Variants in GPS1 observed in about 807,000 individuals in gnomAD.
The protein encoded by GPS1 is COP9 signalosome complex subunit 1.
Under a neutral mutation model 60.0 loss-of-function variants are expected in GPS1, and 11 were observed. The observed-to-expected ratio is 0.18, with a 90% CI of 0.12 to 0.30. The LOEUF (loss-of-function observed/expected upper bound fraction) is 0.30, where lower values mean the gene tolerates loss of function less well. GPS1 is among the 10% of genes least tolerant of loss of function. The probability of loss-of-function intolerance (pLI) is 1.00; values close to 1 mark genes in which losing one functional copy is unlikely to be tolerated. For missense variants in GPS1, 543 were observed against 669.2 expected, an observed-to-expected ratio of 0.81 and a Z score of 2.08; for synonymous variants, 343 against 269.8, an observed-to-expected ratio of 1.27 and a Z score of -2.66.
chr17:82,052,076 C>T (rs1200354026), intron 1 of GPS1, 112 bp downstream of exon 1: 5 of 898,284 alleles, frequency 5.6e-6, no homozygotes, highest in Non-Finnish European at 6.9e-6. Context: ...GTCGGGCACG[C>T]TCCGTGCCGG....
chr17:82,052,735 CTG>C (rs2031197576), intron 1 of GPS1: 2 of 481,364 alleles, frequency 4.2e-6, no homozygotes, highest in African/African-American at 1.9e-5. Context: ...CCTGGCTTCT[CTG>C]TGTCTCCCAG....
At chr17:82,056,996 C>G (rs1351795692) in intron 12 of GPS1, 22 bp downstream of exon 12, 1 of 1,612,138 alleles carries the variant, frequency 6.2e-7, no homozygotes, top group African/African-American at 1.3e-5. Context: ...TGAGGGGGGG[C>G]AGGCGCACGG....
At chr17:82,051,343 C>A, upstream of GPS1, 1 of 1,467,642 alleles carries the variant, frequency 6.8e-7, no homozygotes, top group South Asian at 1.5e-5. The surrounding 1 kb of genome is among the most constrained non-coding windows in gnomAD (Gnocchi z 4.1). Flanking sequence ...AGATAAACGT[C>A]TGGGGGAGAA....
At position 82,056,466 on chromosome 17, in the gene GPS1, C is replaced by G. The variant is rs1007124731; in HGVS notation, c.1036-4C>G. The G allele has an allele frequency of 5.6e-6, 9 of 1,613,022 alleles. No homozygotes were observed. Among genetic ancestry groups the G allele is most frequent in the African/African-American group, 2.7e-5 (2 of 74,910 alleles). Reference sequence around the variant, plus strand: ...GTCCTGGTCCTGACCAGCCCCTTCCCCAGGACAACCTGCTCCTGGACATGT... The same window carrying G: ...GTCCTGGTCCTGACCAGCCCCTTCCGCAGGACAACCTGCTCCTGGACATGT... On this transcript the variant is annotated splice_region_variant and splice_polypyrimidine_tract_variant and intron_variant, in intron 9 of 12. Transcript: ENST00000578552.
At chr17:82,056,240 G>T (rs1186407792) in intron 8 of GPS1, 46 bp from the exon 9 acceptor site, 1 of 1,434,330 alleles carries the variant, frequency 7.0e-7, no homozygotes, top group Non-Finnish European at 9.8e-7. Context: ...CCACTTGGAG[G>T]GAGGGGCAGG....
chr17:82,055,082 C>T (rs1408070002), intron 5 of GPS1, 80 bp from the exon 6 acceptor site: 3 of 1,574,420 alleles, frequency 1.9e-6, no homozygotes, highest in African/African-American at 2.7e-5. Flanking sequence ...CTGCCTTCAT[C>T]CCCTCTCAGT....
Position 82,054,369 on chromosome 17 carries a change from A to G in GPS1, c.309-141A>G, listed in dbSNP as rs938634999. On this transcript the variant is annotated intron_variant, in intron 3 of 12. Coordinates refer to ENST00000578552, the MANE Select transcript of GPS1 (RefSeq NM_001321092.3). ...GTGGCCCTGGTGCAGACTGGTCCCT[A>G]GAGGTGGGGTTTGAGGCCAGCGGGA... is the stretch of plus-strand genomic sequence containing the variant. 7.2e-6 allele frequency: 8 copies of G among 1,114,582 alleles called. No homozygotes were observed. In the African/African-American group the frequency reaches 1.1e-4, roughly 15 times the overall value. 69.0% of individuals were successfully genotyped at this position (1,114,582 alleles called of 1,614,324 possible).
chr17:82,051,445 G>A (rs1182324538), upstream of GPS1: 3 of 1,348,480 alleles, frequency 2.2e-6, no homozygotes, highest in South Asian at 1.9e-5. This position sits in a 1 kb window ranked among gnomAD's most constrained non-coding sequence, Gnocchi z 4.1. Flanking sequence ...CCTAGACCCT[G>A]GGAGGCGGGG....
chr17:82,054,264 G>A (rs2031946555), intron 3 of GPS1: 2 of 734,798 alleles, frequency 2.7e-6, no homozygotes, highest in East Asian at 5.5e-5. Context: ...AAGGGGAGCT[G>A]TTGGAGACTG....
chr17:82,051,551 C>A, upstream of GPS1: 2 of 1,398,168 alleles, frequency 1.4e-6, no homozygotes, highest in South Asian at 1.5e-5. This position sits in a 1 kb window ranked among gnomAD's most constrained non-coding sequence, Gnocchi z 4.1. Flanking sequence ...GCAGGCGCGG[C>A]CCGTGGTTCT....
chr17:82,056,061 C>T lies in GPS1; in HGVS notation c.895C>T (p.Arg299Trp). Reference protein sequence around the residue: ...GGLCALATFDRQELQRNVISS... With the variant: ...GGLCALATFDWQELQRNVISS... ...CCTGTGCGCCTTGGCTACCTTTGAC[C>T]GGCAGGAGCTGCAGCGCAATGTCAT... Residue 299 changes from arginine to tryptophan, a missense_variant, in exon 8 of 13, where the codon CGG becomes TGG. Physicochemically the swap from Arg to Trp is moderately radical, Grantham distance 101. This residue lies in a region of GPS1 where 291 missense variants were observed against 353.7 expected (regional missense o/e 0.82). Transcript: ENST00000578552. 5 of 1,612,644 alleles carry T rather than the reference C, an allele frequency of 3.1e-6. No individual in the cohort carries two copies. Among genetic ancestry groups the T allele is most frequent in the Non-Finnish European group, 4.2e-6 (5 of 1,179,872 alleles).
At chr17:82,054,118 C>G in intron 3 of GPS1, 69 bp downstream of exon 3, 1 of 1,484,226 alleles carries the variant, frequency 6.7e-7, no homozygotes, top group Non-Finnish European at 9.0e-7. Flanking sequence ...GGACTGGGCC[C>G]CCTTCCTGTG....
At chr17:82,055,714 TC>T in intron 6 of GPS1, 25 bp from the exon 7 acceptor site, 2 of 612,342 alleles carry the variant, frequency 3.3e-6, no homozygotes, top group Non-Finnish European at 5.5e-6. Context: ...CTCTCCCCCC[TC>T]CCCGCCCCCG....
rs1181681217 is a variant in GPS1, at chr17:82,054,780, C to T, written c.579C>T (p.His193=). The change falls in exon 4 of 13, where the codon CAC becomes CAT. Residue 193 remains histidine, a synonymous_variant. Transcript: ENST00000578552. The part of the protein sequence containing the change: ...RARDYCTSAK[H]VINMCLNVIK... ...GGGACTACTGCACCAGCGCCAAACA[C>T]GTCATCAACATGTGCCTCAATGTCA... The T allele has an allele frequency of 1.1e-5, 18 of 1,606,440 alleles. No individual in the cohort carries two copies. The highest frequency in any genetic ancestry group is 1.7e-4 in the Middle Eastern group (1 of 6,060).
In GPS1 at chr17:82,056,988, A is replaced by AG. The variant is rs552304178; in HGVS notation, c.1389+21dup. The AG allele has an allele frequency of 6.6e-5, 106 of 1,612,114 alleles. No homozygotes were observed. The African/African-American group carries it at 1.0e-3, about 16-fold the overall frequency. On this transcript the variant is annotated intron_variant, in intron 12 of 12. Transcript: ENST00000578552. ...ATCCATGTCAAGGTGGGCTGGCTTGAGGGGGGGCAGGCGCACGGCGTGTGG... is the reference window on the plus strand; with the variant it reads ...ATCCATGTCAAGGTGGGCTGGCTTGAGGGGGGGGCAGGCGCACGGCGTGTGG...
Position 82,053,313 on chromosome 17 carries a change from G to A in GPS1, c.73G>A (p.Glu25Lys). Residue 25 changes from glutamate (E) to lysine (K), a missense_variant, in exon 2 of 13, where the codon GAA (glutamate) becomes AAA (lysine). By Grantham distance (56) the Glu-to-Lys change is moderately conservative. Around this residue, in one of 3 missense-constraint regions of GPS1, gnomAD observed 181 missense variants for 188.8 expected, o/e 0.96. Transcript: ENST00000578552. ...EPMQIDVDPQ[E>K]DPQNAPDVNY... is the part of the protein sequence containing the mutation. ...CATGCAGATCGACGTGGACCCCCAG[G>A]AAGACCCGCAGAATGCACCTGACGT... 1.9e-6 allele frequency: 3 copies of A among 1,549,132 alleles called. No individual in the cohort carries two copies. Among genetic ancestry groups the A allele is most frequent in the Non-Finnish European group, 1.7e-6 (2 of 1,156,162 alleles).
intron 9 of GPS1, 27 bp downstream of exon 9, chr17:82,056,418 G>A: frequency 6.2e-7 from 1 of 1,612,666 alleles, no homozygotes; most frequent in Non-Finnish European, 8.5e-7. Flanking sequence ...GTAGGGGTGA[G>A]GTGGGGCCCT....
At chr17:82,051,178 G>A, upstream of GPS1, 6 of 1,305,576 alleles carry the variant, frequency 4.6e-6, no homozygotes, top group Non-Finnish European at 5.9e-6. This position sits in a 1 kb window ranked among gnomAD's most constrained non-coding sequence, Gnocchi z 4.1. Flanking sequence ...GGCCTCCCCG[G>A]GCCTCGGGAG....
chr17:82,052,228 C>G, intron 1 of GPS1: 1 of 1,589,252 alleles, frequency 6.3e-7, no homozygotes, highest in South Asian at 1.1e-5. Context: ...CCCGGCCGCC[C>G]CGACGCTAAC....
Sources: allele counts gnomAD v4.1 joint callset, GRCh38; gene constraint gnomAD v4.1.1; regional missense constraint gnomAD v4.1.1; non-coding constraint Gnocchi (gnomAD v3.1); transcripts MANE v1.5; gene names NCBI Gene and HGNC (gene_info 2026-07-23, HGNC 2026-07-21).